Variants in PCDH11X observed in about 807,000 individuals in gnomAD.
The protein encoded by PCDH11X is protocadherin-11 X-linked.
PCDH11X carries 18 observed loss-of-function variants against 53.3 expected under a neutral mutation model. That is an observed-to-expected ratio of 0.34 (90% CI 0.23 to 0.50). The LOEUF is 0.50. Ranked by LOEUF, PCDH11X falls within the 20% of genes least tolerant of loss-of-function variation. PCDH11X has a pLI of 0.98. For synonymous variants in PCDH11X, 279 were observed against 393.3 expected, an observed-to-expected ratio of 0.71 and a Z score of 3.44; for missense variants, 570 against 1,032.4, an observed-to-expected ratio of 0.55 and a Z score of 6.14.
At chrX:91,900,110 T>C (rs1316647602) in intron 6 of PCDH11X, among the ~76,000 whole-genome samples, 47 of 110,187 alleles carry the variant, frequency 4.3e-4, no homozygotes, top group African/African-American at 1.6e-3. Context: ...TCTCCTTTAT[T>C]CCATGCATAC....
chrX:92,478,034 T>A (rs927745177), intron 10 of PCDH11X, among the ~76,000 whole-genome samples: 2 of 109,950 alleles, frequency 1.8e-5, no homozygotes, highest in Non-Finnish European at 3.8e-5. Context: ...TTCCCCCATG[T>A]TGGCCTTGTG....
intron 8 of PCDH11X, among the ~76,000 whole-genome samples, chrX:92,323,529 T>C (rs1036585153): frequency 1.1e-4 from 12 of 110,881 alleles, no homozygotes; most frequent in Non-Finnish European, 1.9e-4. Context: ...TACCCCATTT[T>C]CCTTGACTTT....
chrX:92,175,756 A>ATGTGTGTGTGTG (rs751094829), intron 6 of PCDH11X, among the ~76,000 whole-genome samples: 9,032 of 70,452 alleles, frequency 0.13, 617 homozygotes, highest in Admixed American at 0.22. Context: ...GTATACATAT[A>ATGTGTGTGTGTG]TGTGTGTGTG....
intron 6 of PCDH11X, among the ~76,000 whole-genome samples, chrX:91,893,347 A>AAT (rs1940592075): frequency 1.1e-5 from 1 of 88,705 alleles, no homozygotes. Flanking sequence ...AGAGAACCGC[A>AAT]TTTTTTTTTT....
At chrX:92,447,201 A>T (rs2072672812) in intron 9 of PCDH11X, among the ~76,000 whole-genome samples, 1 of 112,030 alleles carries the variant, frequency 8.9e-6, no homozygotes, top group African/African-American at 3.2e-5. Context: ...TTTTTTGAGG[A>T]GAAATGAAAG....
chrX:92,502,994 T>C (rs1231505946), intron 10 of PCDH11X, among the ~76,000 whole-genome samples: 1 of 107,109 alleles, frequency 9.3e-6, no homozygotes, highest in Non-Finnish European at 1.9e-5. Context: ...AAAAGTCTAA[T>C]ATCTAGAATC....
chrX:91,799,449 T>C (rs1404368111), intron 1 of PCDH11X, among the ~76,000 whole-genome samples: 2 of 111,575 alleles, frequency 1.8e-5, no homozygotes, highest in Admixed American at 9.6e-5. Flanking sequence ...TAATGTGATA[T>C]ATGATATAAA....
intron 6 of PCDH11X, among the ~76,000 whole-genome samples, chrX:92,161,245 A>G (rs1440815749): frequency 3.6e-5 from 4 of 111,610 alleles, no homozygotes; most frequent in Non-Finnish European, 7.5e-5. Context: ...TGTTTGTCTG[A>G]AAAAGACTGT....
At position 92,288,139 on chromosome X, in the gene PCDH11X, G is replaced by A. The variant is rs2068419629; in HGVS notation, c.3144+24996G>A. ...GCTGTGTGAGAACAGACTAATACACGATCCATGCTACTGCATTTAATGTAT... is the reference window on the plus strand; with the variant it reads ...GCTGTGTGAGAACAGACTAATACACAATCCATGCTACTGCATTTAATGTAT... On this transcript the variant is annotated intron_variant, in intron 8 of 10. Coordinates refer to ENST00000682573, the MANE Select transcript of PCDH11X (RefSeq NM_032968.5). 7.9e-6 allele frequency: 3 copies of A among 380,546 alleles called. No homozygotes were observed. In the South Asian group the frequency reaches 1.9e-4, roughly 24 times the overall value. The allele number at this position is 380,546 out of a possible 1,213,427, so 31.4% of individuals were successfully genotyped here. A position where few individuals can be genotyped will look rare whatever the true frequency, so the allele number is the denominator to read the frequency against.
intron 6 of PCDH11X, among the ~76,000 whole-genome samples, chrX:92,168,412 G>A (rs1471432791): frequency 2.7e-5 from 3 of 110,635 alleles, no homozygotes; most frequent in African/African-American, 9.9e-5. Context: ...TAAAAAATTA[G>A]CAAGGTGTGG....
chrX:91,839,368 C>CTT (rs1453147395), intron 5 of PCDH11X, among the ~76,000 whole-genome samples: 1 of 107,127 alleles, frequency 9.3e-6, no homozygotes, highest in Non-Finnish European at 1.9e-5. Context: ...AATCCCAGCA[C>CTT]TTTGGGAGGC....
intron 6 of PCDH11X, among the ~76,000 whole-genome samples, chrX:92,153,704 G>A (rs921899752): frequency 1.3e-4 from 15 of 111,571 alleles, no homozygotes; most frequent in African/African-American, 4.2e-4. Context: ...CATTGGGATG[G>A]TGAGCATGGC....
intron 5 of PCDH11X, among the ~76,000 whole-genome samples, chrX:91,842,132 T>A (rs1490058481): frequency 9.5e-6 from 1 of 105,274 alleles, no homozygotes; most frequent in Admixed American, 1.1e-4. Flanking sequence ...ATTAATATTC[T>A]CCCTTTTGTA....
At chrX:92,277,724 A>G (rs745931758) in intron 8 of PCDH11X, among the ~76,000 whole-genome samples, 1 of 110,139 alleles carries the variant, frequency 9.1e-6, no homozygotes, top group East Asian at 2.9e-4. Context: ...GCATGGAAAT[A>G]AGGGATTGGG....
intron 8 of PCDH11X, among the ~76,000 whole-genome samples, chrX:92,268,448 C>G (rs1223727073): frequency 1.8e-5 from 2 of 110,994 alleles, no homozygotes; most frequent in Admixed American, 1.9e-4. Flanking sequence ...TGTGCCACCA[C>G]GCCCAACAAT....
chrX:92,575,920 T>C (rs1317658126), intron 10 of PCDH11X, among the ~76,000 whole-genome samples: 9 of 24,779 alleles, frequency 3.6e-4, no homozygotes, highest in Non-Finnish European at 5.5e-4. Context: ...TATATATATA[T>C]ATATATATAT....
intron 7 of PCDH11X, among the ~76,000 whole-genome samples, chrX:92,209,328 C>G (rs1004932041): frequency 9.0e-6 from 1 of 111,700 alleles, no homozygotes; most frequent in Non-Finnish European, 1.9e-5. Context: ...TTTGCATGTC[C>G]GAGATACAAC....
At chrX:92,019,183 C>T (rs1274749479) in intron 6 of PCDH11X, among the ~76,000 whole-genome samples, 1 of 108,629 alleles carries the variant, frequency 9.2e-6, no homozygotes, top group Non-Finnish European at 1.9e-5. Flanking sequence ...TTCTTGGCCC[C>T]CGGTGACCCC....
At chrX:92,109,150 C>T (rs1262637563) in intron 6 of PCDH11X, among the ~76,000 whole-genome samples, 1 of 110,981 alleles carries the variant, frequency 9.0e-6, no homozygotes, top group Non-Finnish European at 1.9e-5. Context: ...TTTGGGAGGC[C>T]GAGGCAGGTG....
Sources: allele counts gnomAD v4.1 joint callset (sites outside exome capture counted in the v4.1 genomes callset), GRCh38; gene constraint gnomAD v4.1.1; transcripts MANE v1.5; gene names NCBI Gene and HGNC (gene_info 2026-07-23, HGNC 2026-07-21).